The following FRY variants were observed in gnomAD, a reference collection of about 807,000 sequenced individuals.
FRY encodes the protein protein furry homolog.
Under a neutral mutation model 348.4 loss-of-function variants are expected in FRY, and 128 were observed. The ratio of observed to expected loss-of-function variants is 0.37; its 90% CI spans 0.32 to 0.43. The LOEUF (loss-of-function observed/expected upper bound fraction) is 0.43, where lower values mean the gene tolerates loss of function less well. FRY is among the 20% of genes least tolerant of loss of function. The pLI is 1.00. For synonymous variants in FRY, 1,370 were observed against 1,374.7 expected, an observed-to-expected ratio of 1.00 and a Z score of 0.08; for missense variants, 2,736 against 3,695.2, an observed-to-expected ratio of 0.74 and a Z score of 6.73.
chr13:32,176,974 C>T (rs772407746), intron 20 of FRY, among the ~76,000 whole-genome samples: 1 of 152,144 alleles, frequency 6.6e-6, no homozygotes, highest in African/African-American at 2.4e-5. Flanking sequence ...CCTATGTTGC[C>T]ATCTCATCTC....
At position 32,131,750 on chromosome 13, in the gene FRY, A is replaced by G. The variant is rs755317951; in HGVS notation, c.795A>G (p.Gln265=). Residue 265 remains glutamine, a synonymous_variant, in exon 8 of 61, where the codon CAA becomes CAG. Coordinates refer to ENST00000542859, the MANE Select transcript of FRY (RefSeq NM_023037.3). ...RHKEQNPYVV[Q]SIISLIMGMK... ...AAGAGCAGAACCCATATGTGGTTCA[A>G]AGCATTATCAGCTTAATAATGGGCA... The G allele has an allele frequency of 6.2e-7, 1 of 1,613,208 alleles. No homozygotes were observed. The highest frequency in any genetic ancestry group is 8.5e-7 in the Non-Finnish European group (1 of 1,179,124).
chr13:32,102,725 G>A (rs1877244708), intron 3 of FRY, among the ~76,000 whole-genome samples: 1 of 152,178 alleles, frequency 6.6e-6, no homozygotes, highest in South Asian at 2.1e-4. Flanking sequence ...TCAGTAACCA[G>A]GAAGGCCCTA....
intron 1 of FRY, among the ~76,000 whole-genome samples, chr13:32,052,778 A>C (rs1873404474): frequency 1.3e-5 from 2 of 152,384 alleles, no homozygotes; most frequent in South Asian, 4.1e-4. Context: ...ACAAAGTGTC[A>C]GTTTTTAAGT....
intron 4 of FRY, among the ~76,000 whole-genome samples, chr13:32,121,180 C>T (rs1290408396): frequency 2.0e-5 from 3 of 152,130 alleles, no homozygotes; most frequent in Non-Finnish European, 4.4e-5. Flanking sequence ...GATTGATGGG[C>T]GTTTAGGTTG....
chr13:32,239,936 G>C lies in FRY; in HGVS notation c.6687+55G>C. On this transcript the variant is annotated intron_variant, in intron 46 of 60. Coordinates refer to ENST00000542859, the MANE Select transcript of FRY (RefSeq NM_023037.3). This position sits in a 1 kb window ranked among gnomAD's most constrained non-coding sequence, Gnocchi z 4.3. ...AGGGTCTCATTATGTTGCCCAGGCTGATCTCAACTCTTGGGCTCAAGCAGT... is the reference window on the plus strand; with the variant it reads ...AGGGTCTCATTATGTTGCCCAGGCTCATCTCAACTCTTGGGCTCAAGCAGT... 2 of 1,490,460 alleles carry C rather than the reference G, an allele frequency of 1.3e-6. No individual in the cohort carries two copies. The highest frequency in any genetic ancestry group is 1.9e-6 in the Non-Finnish European group (2 of 1,080,224). 92.3% of individuals were successfully genotyped at this position (1,490,460 alleles called of 1,614,324 possible). A position where few individuals can be genotyped will look rare whatever the true frequency, so the allele number is the denominator to read the frequency against.
rs973764450 is a variant in FRY, at chr13:32,147,981, T to G, written c.1392+34T>G. The G allele has an allele frequency of 5.8e-6, 7 of 1,216,940 alleles. No homozygotes were observed. The African/African-American group carries it at 1.0e-4, about 18-fold the overall frequency. 75.4% of individuals were successfully genotyped at this position (1,216,940 alleles called of 1,614,324 possible). A position where few individuals can be genotyped will look rare whatever the true frequency, so the allele number is the denominator to read the frequency against. ...GAAGATTCCGGTGGTGGGAATCTTC[T>G]GATGGTTTTTCAGCAGCCAGCCTCC... On this transcript the variant is annotated intron_variant, in intron 13 of 60. Coordinates refer to ENST00000542859, the MANE Select transcript of FRY (RefSeq NM_023037.3).
At chr13:32,125,500 C>G (rs1347603122) in intron 7 of FRY, among the ~76,000 whole-genome samples, 1 of 152,068 alleles carries the variant, frequency 6.6e-6, no homozygotes, top group African/African-American at 2.4e-5. Context: ...GGCAAGATCC[C>G]GAATGCCTAA....
intron 11 of FRY, among the ~76,000 whole-genome samples, chr13:32,146,272 T>A (rs1226852338): frequency 1.3e-5 from 2 of 152,074 alleles, no homozygotes; most frequent in Non-Finnish European, 1.5e-5. Context: ...GCATTATGAA[T>A]GAGTACAACA....
At chr13:32,040,229 G>C (rs1390571074) in intron 1 of FRY, among the ~76,000 whole-genome samples, 1 of 152,148 alleles carries the variant, frequency 6.6e-6, no homozygotes, top group Non-Finnish European at 1.5e-5. Flanking sequence ...CAATAAGATG[G>C]TTTATTTTGT....
chr13:32,208,335 A>G (rs752442148), intron 31 of FRY, among the ~76,000 whole-genome samples: 1 of 152,270 alleles, frequency 6.6e-6, no homozygotes, highest in Non-Finnish European at 1.5e-5. Flanking sequence ...AATTTATAAA[A>G]GCCTGATGGA....
In FRY at chr13:32,202,425, G is replaced by A. The variant is rs760789109; in HGVS notation, c.3916G>A (p.Gly1306Arg). 4.3e-6 allele frequency: 7 copies of A among 1,613,976 alleles called. No homozygotes were observed. The South Asian group carries it at 4.4e-5, about 10-fold the overall frequency. Residue 1306 changes from glycine to arginine, a missense_variant, in exon 31 of 61, where the codon GGA becomes AGA. Gly to Arg is a moderately radical substitution (Grantham distance 125, BLOSUM62 -2). Around this residue, in one of 9 missense-constraint regions of FRY, gnomAD observed 794 missense variants for 977.0 expected, o/e 0.81. Transcript: ENST00000542859. Reference sequence around the variant, plus strand: ...GCAAAGACCGGGAAGTATTCTCTATGGAACACACGGCCCGCTGCCACCCCT... The same window carrying A: ...GCAAAGACCGGGAAGTATTCTCTATAGAACACACGGCCCGCTGCCACCCCT... ...AEQRPGSILY[G>R]THGPLPPLYS...
chr13:32,159,280 T>G (rs1044215880), intron 16 of FRY, among the ~76,000 whole-genome samples: 3 of 151,878 alleles, frequency 2.0e-5, no homozygotes, highest in African/African-American at 7.3e-5. Flanking sequence ...TAGGGAATCA[T>G]ATAAGCATTT....
At chr13:32,107,104 C>A (rs891627697) in intron 3 of FRY, among the ~76,000 whole-genome samples, 12 of 152,250 alleles carry the variant, frequency 7.9e-5, no homozygotes, top group African/African-American at 2.9e-4. Flanking sequence ...CGCCTATAAT[C>A]CCAACACTTT....
chr13:32,227,207 G>A (rs1334563314), intron 39 of FRY, among the ~76,000 whole-genome samples: 2 of 152,164 alleles, frequency 1.3e-5, no homozygotes, highest in Non-Finnish European at 2.9e-5. Flanking sequence ...AGGACACAGG[G>A]AATAGGTGTA....
chr13:32,115,762 C>T (rs1878263371), intron 3 of FRY, among the ~76,000 whole-genome samples: 1 of 151,698 alleles, frequency 6.6e-6, no homozygotes, highest in Non-Finnish European at 1.5e-5. Flanking sequence ...AAACTCTCAT[C>T]TTCATTTCTC....
chr13:32,228,020 G>C (rs1885687497), intron 39 of FRY, among the ~76,000 whole-genome samples: 1 of 152,202 alleles, frequency 6.6e-6, no homozygotes, highest in Non-Finnish European at 1.5e-5. Context: ...AAAGTGCTGG[G>C]ATTACAGGCG....
intron 34 of FRY, among the ~76,000 whole-genome samples, chr13:32,212,033 A>T (rs1256854607): frequency 6.6e-6 from 1 of 152,214 alleles, no homozygotes; most frequent in Non-Finnish European, 1.5e-5. Context: ...GGCCAGGAAG[A>T]AGAGGTTTCA....
intron 2 of FRY, among the ~76,000 whole-genome samples, chr13:32,094,034 C>G (rs1252616486): frequency 6.6e-6 from 1 of 152,200 alleles, no homozygotes; most frequent in East Asian, 1.9e-4. Flanking sequence ...TAATCAGTTT[C>G]CACTTGTTGG....
rs955967725 is a variant in FRY at position 32,296,335 on chromosome 13, C to T, written c.*875C>T. 3 of 152,528 alleles carry T rather than the reference C, an allele frequency of 2.0e-5. No homozygotes were observed. Among genetic ancestry groups the T allele is most frequent in the African/African-American group, 7.2e-5 (3 of 41,400 alleles). The allele number at this position is 152,528 out of a possible 1,614,324, so 9.4% of individuals were successfully genotyped here. A position where few individuals can be genotyped will look rare whatever the true frequency, so the allele number is the denominator to read the frequency against. ...CTGTCAGGCATGCATATTTTAATATCTGTTTGGATAGTCAGAAGTAGAATC... is the reference window on the plus strand; with the variant it reads ...CTGTCAGGCATGCATATTTTAATATTTGTTTGGATAGTCAGAAGTAGAATC... On this transcript the variant is annotated 3_prime_UTR_variant, in exon 61 of 61. Transcript: ENST00000542859.
Sources: allele counts gnomAD v4.1 joint callset (sites outside exome capture counted in the v4.1 genomes callset), GRCh38; gene constraint gnomAD v4.1.1; regional missense constraint gnomAD v4.1.1; non-coding constraint Gnocchi (gnomAD v3.1); transcripts MANE v1.5; gene names NCBI Gene and HGNC (gene_info 2026-07-23, HGNC 2026-07-21).